Variants in SLAIN2 observed in about 807,000 individuals in gnomAD.
SLAIN2 encodes the protein SLAIN motif-containing protein 2.
In SLAIN2, 31 loss-of-function variants were observed where a neutral mutation model predicts 56.6. That is an observed-to-expected ratio of 0.55 (90% CI 0.41 to 0.74). The LOEUF is 0.74. SLAIN2 is among the 30% of genes least tolerant of loss of function. The pLI is 0.00. For missense variants in SLAIN2, 777 were observed against 754.2 expected (o/e 1.03, Z -0.35); for synonymous variants, 317 against 284.9 (o/e 1.11, Z -1.13).
intron 1 of SLAIN2, among the ~76,000 whole-genome samples, chr4:48,344,430 C>A (rs990607520): frequency 2.0e-5 from 3 of 151,964 alleles, no homozygotes; most frequent in Non-Finnish European, 4.4e-5. Flanking sequence ...GTGTATGTGC[C>A]GCAAAGTGCT....
chr4:48,364,957 T>A (rs2109748824), intron 1 of SLAIN2, among the ~76,000 whole-genome samples: 1 of 152,162 alleles, frequency 6.6e-6, no homozygotes, highest in South Asian at 2.1e-4. Flanking sequence ...CTATTCAGGT[T>A]CTCTTTCTTG....
intron 6 of SLAIN2, among the ~76,000 whole-genome samples, chr4:48,385,467 G>A (rs367594053): frequency 1.3e-5 from 2 of 152,150 alleles, no homozygotes; most frequent in East Asian, 3.9e-4. Flanking sequence ...GATCCTTGTG[G>A]CATATTACTA....
Position 48,368,051 on chromosome 4 carries a change from C to CTTTTTTTTTTTTTTTTTTTTTTT in SLAIN2, c.390-1785_390-1784insTTTTTTTTTTTTTTTTTTTTTTT, listed in dbSNP as rs36096623. Among the ~76,000 whole-genome samples the CTTTTTTTTTTTTTTTTTTTTTTT allele has an allele frequency of 1.1e-3, 102 of 88,804 alleles. 17 individuals carry two copies. Among genetic ancestry groups the CTTTTTTTTTTTTTTTTTTTTTTT allele is most frequent in the African/African-American group, 1.7e-3 (31 of 18,732 alleles). 58.3% of individuals were successfully genotyped at this position (88,804 alleles called of 152,430 possible). Reference sequence around the variant, plus strand: ...TTCACTGAACGTAGTGTTTTTGAGGCTTTTTTTTTTTTTGACAGTGTTGCT... The same window carrying CTTTTTTTTTTTTTTTTTTTTTTT: ...TTCACTGAACGTAGTGTTTTTGAGGCTTTTTTTTTTTTTTTTTTTTTTTTTTTTTTTTTTTTGACAGTGTTGCT... On this transcript the variant is annotated intron_variant, in intron 1 of 7. Coordinates refer to ENST00000264313, the MANE Select transcript of SLAIN2 (RefSeq NM_020846.2).
intron 6 of SLAIN2, among the ~76,000 whole-genome samples, chr4:48,413,099 G>A (rs1716908415): frequency 6.6e-6 from 1 of 152,042 alleles, no homozygotes; most frequent in Non-Finnish European, 1.5e-5. Flanking sequence ...CCGGTGACCT[G>A]CATCTGTAGT....
chr4:48,403,121 A>T (rs1343560150), intron 6 of SLAIN2, among the ~76,000 whole-genome samples: 3 of 152,180 alleles, frequency 2.0e-5, no homozygotes, highest in African/African-American at 7.2e-5. Flanking sequence ...CACTGACCTG[A>T]TGCTGGCCCG....
chr4:48,357,781 C>A (rs1254978933), intron 1 of SLAIN2, among the ~76,000 whole-genome samples: 1 of 152,034 alleles, frequency 6.6e-6, no homozygotes, highest in Non-Finnish European at 1.5e-5. Flanking sequence ...TCTTGTACTC[C>A]CAACCTCAGG....
rs1167898504 is a variant in SLAIN2 at position 48,378,057 on chromosome 4, T to G, written c.700T>G (p.Ser234Ala). The change falls in exon 3 of 8, where the codon TCA becomes GCA. Residue 234 changes from serine to alanine, a missense_variant. Transcript: ENST00000264313. ...IVKQLILPGN[S>A]GNLKSSDRNP... is the part of the protein sequence containing the mutation. Reference sequence around the variant, plus strand: ...CAAACAGCTTATACTTCCTGGAAATTCAGGTAAGGAGAAAATGATATGGAG... The same window carrying G: ...CAAACAGCTTATACTTCCTGGAAATGCAGGTAAGGAGAAAATGATATGGAG... 2 of 1,612,410 alleles carry G rather than the reference T, an allele frequency of 1.2e-6. No homozygotes were observed. Among genetic ancestry groups the G allele is most frequent in the Admixed American group, 1.7e-5 (1 of 59,408 alleles).
At position 48,382,797 on chromosome 4, in the gene SLAIN2, A is replaced by T. The variant is rs771189596; in HGVS notation, c.1092A>T (p.Ser364=). 3 of 1,613,832 alleles carry T rather than the reference A, an allele frequency of 1.9e-6. No homozygotes were observed. Among genetic ancestry groups the T allele is most frequent in the Non-Finnish European group, 1.7e-6 (2 of 1,179,854 alleles). The part of the protein sequence containing the change: ...PKQSPRNSPR[S]RSPARGIEYS... The stretch of plus-strand genomic sequence containing the variant: ...AGTCACCCAGAAATTCACCTCGTTC[A>T]CGATCTCCTGCTCGGGGAATAGAAT... Residue 364 remains serine (S), a synonymous_variant, in exon 5 of 8, where the codon TCA becomes TCT. Coordinates refer to ENST00000264313, the MANE Select transcript of SLAIN2 (RefSeq NM_020846.2).
intron 6 of SLAIN2, among the ~76,000 whole-genome samples, chr4:48,402,160 C>T (rs1716571998): frequency 6.6e-6 from 1 of 150,992 alleles, no homozygotes; most frequent in Non-Finnish European, 1.5e-5. Flanking sequence ...GATGGGCTTT[C>T]CTTTGTAGGT....
At chr4:48,359,374 C>T (rs564492048) in intron 1 of SLAIN2, among the ~76,000 whole-genome samples, 2 of 152,268 alleles carry the variant, frequency 1.3e-5, no homozygotes, top group Admixed American at 6.5e-5. Context: ...TTCAATAATG[C>T]TTTTAATATA....
intron 6 of SLAIN2, among the ~76,000 whole-genome samples, chr4:48,392,324 T>C (rs1452756968): frequency 1.3e-5 from 2 of 152,212 alleles, no homozygotes; most frequent in African/African-American, 4.8e-5. Context: ...ACTGTTGTTA[T>C]TACAATCACA....
chr4:48,369,976 A>G lies in SLAIN2; in HGVS notation c.517A>G (p.Lys173Glu), dbSNP rs781333674. The change falls in exon 2 of 8, where the codon AAA (lysine) becomes GAA (glutamate). Residue 173 changes from lysine (K) to glutamate (E), a missense_variant. By Grantham distance (56) the Lys-to-Glu change is moderately conservative. Coordinates refer to ENST00000264313, the MANE Select transcript of SLAIN2 (RefSeq NM_020846.2). ...VECAKKSLIH[K>E]LDQTMSALKR... ...GTGTGCTAAAAAATCTCTTATCCAC[A>G]AACTTGATCAAACTATGTCAGGTAT... The G allele has an allele frequency of 6.2e-7, 1 of 1,613,524 alleles. No homozygotes were observed. The highest frequency in any genetic ancestry group is 8.5e-7 in the Non-Finnish European group (1 of 1,179,624).
At chr4:48,378,170 T>A in intron 3 of SLAIN2, 110 bp downstream of exon 3, 1 of 1,264,116 alleles carries the variant, frequency 7.9e-7, no homozygotes, top group African/African-American at 1.5e-5. Context: ...ATGAAACTTT[T>A]AACTGGTTAA....
At chr4:48,377,823 G>C in intron 2 of SLAIN2, 73 bp from the exon 3 acceptor site, 2 of 1,396,548 alleles carry the variant, frequency 1.4e-6, no homozygotes, top group Non-Finnish European at 2.0e-6. Flanking sequence ...TTTTCTAATA[G>C]GAAAACTTCA....
chr4:48,370,188 A>C (rs1316908126), intron 2 of SLAIN2, among the ~76,000 whole-genome samples, 191 bp downstream of exon 2: 2 of 152,218 alleles, frequency 1.3e-5, no homozygotes, highest in African/African-American at 2.4e-5. Context: ...GCTTTTTAAA[A>C]AAATCTTGTT....
chr4:48,403,257 T>G lies in SLAIN2; in HGVS notation c.1361-16868T>G, dbSNP rs1716602547. Among the ~76,000 whole-genome samples the G allele has an allele frequency of 3.3e-5, 5 of 152,258 alleles. No individual in the cohort carries two copies. The South Asian group carries it at 1.0e-3, about 32-fold the overall frequency. ...CTTTTGTGGAGCAGGTGTGGTGCTC[T>G]GGGGGGATCCCCTTTTGTCCAGACT... On this transcript the variant is annotated intron_variant, in intron 6 of 7. Transcript: ENST00000264313.
At chr4:48,370,201 TA>T (rs1383084448) in intron 2 of SLAIN2, among the ~76,000 whole-genome samples, 8 of 152,262 alleles carry the variant, frequency 5.3e-5, no homozygotes, top group African/African-American at 1.7e-4. Flanking sequence ...ATCTTGTTTT[TA>T]TTTAGCCTCA....
Position 48,378,906 on chromosome 4 carries a change from T to C in SLAIN2, c.704-784T>C, listed in dbSNP as rs558107487. Among the ~76,000 whole-genome samples, 16 of 152,356 alleles carry C rather than the reference T, an allele frequency of 1.1e-4. No individual in the cohort carries two copies. The South Asian group carries it at 2.9e-3, about 28-fold the overall frequency. On this transcript the variant is annotated intron_variant, in intron 3 of 7. Coordinates refer to ENST00000264313, the MANE Select transcript of SLAIN2 (RefSeq NM_020846.2). ...AATAGTATAAAGATTAATTATTTTGTACTCTTCTTGCTCTCCTTACATGCT... is the reference window on the plus strand; with the variant it reads ...AATAGTATAAAGATTAATTATTTTGCACTCTTCTTGCTCTCCTTACATGCT...
At chr4:48,408,303 G>A (rs1439555479) in intron 6 of SLAIN2, among the ~76,000 whole-genome samples, 1 of 151,708 alleles carries the variant, frequency 6.6e-6, no homozygotes, top group African/African-American at 2.4e-5. Flanking sequence ...TTCCAGCTTG[G>A]GCAACAGAGC....
Sources: allele counts gnomAD v4.1 joint callset (sites outside exome capture counted in the v4.1 genomes callset), GRCh38; gene constraint gnomAD v4.1.1; transcripts MANE v1.5; gene names NCBI Gene and HGNC (gene_info 2026-07-23, HGNC 2026-07-21).